The following CCDC178 variants were observed in gnomAD, a reference collection of about 807,000 sequenced individuals.
CCDC178 encodes coiled-coil domain containing 178.
In CCDC178, 126 loss-of-function variants were observed where a neutral mutation model predicts 117.4. The observed-to-expected ratio is 1.07, with a 90% confidence interval of 0.93 to 1.24. CCDC178 has a LOEUF of 1.24. Among genes scored for constraint, CCDC178 ranks in the 50% most tolerant of loss-of-function variants. The pLI is 0.00. For missense variants in CCDC178, 1,030 were observed against 986.9 expected (o/e 1.04, Z -0.59); for synonymous variants, 283 against 313.4 (o/e 0.90, Z 1.02).
At chr18:33,333,855 A>G (rs2062706412) in intron 9 of CCDC178, among the ~76,000 whole-genome samples, 1 of 152,176 alleles carries the variant, frequency 6.6e-6, no homozygotes, top group African/African-American at 2.4e-5. Context: ...AAAATATATT[A>G]CTTTCTTAAT....
chr18:33,049,798 T>A (rs1187872455), intron 21 of CCDC178, among the ~76,000 whole-genome samples: 1 of 152,116 alleles, frequency 6.6e-6, no homozygotes, highest in Non-Finnish European at 1.5e-5. Flanking sequence ...ATTTTAAGAA[T>A]AAGGCCAGGC....
intron 20 of CCDC178, among the ~76,000 whole-genome samples, chr18:33,121,484 A>G (rs2057936614): frequency 6.6e-6 from 1 of 152,178 alleles, no homozygotes; most frequent in Admixed American, 6.6e-5. Flanking sequence ...ACAGAAATCA[A>G]CATAGACACA....
At chr18:33,295,903 C>G (rs1030583766) in intron 11 of CCDC178, among the ~76,000 whole-genome samples, 1 of 152,052 alleles carries the variant, frequency 6.6e-6, no homozygotes, top group Non-Finnish European at 1.5e-5. Flanking sequence ...TTACAGTCAA[C>G]GTACATCCCA....
intron 12 of CCDC178, among the ~76,000 whole-genome samples, chr18:33,289,865 A>G (rs1055048541): frequency 1.3e-5 from 2 of 152,200 alleles, no homozygotes; most frequent in African/African-American, 4.8e-5. Flanking sequence ...ACTGTTCAGG[A>G]AAAAGTTAAA....
intron 11 of CCDC178, among the ~76,000 whole-genome samples, chr18:33,308,238 T>C (rs1179006478): frequency 6.6e-6 from 1 of 152,222 alleles, no homozygotes; most frequent in African/African-American, 2.4e-5. Flanking sequence ...AGGCCACCTC[T>C]TGCAACAGCA....
At chr18:33,093,212 G>A (rs1465206056) in intron 20 of CCDC178, among the ~76,000 whole-genome samples, 3 of 151,632 alleles carry the variant, frequency 2.0e-5, no homozygotes, top group Non-Finnish European at 2.9e-5. Flanking sequence ...CCTCTATCAT[G>A]CCTTGAAAGG....
chr18:33,400,096 ATTT>A (rs34890018), intron 3 of CCDC178, among the ~76,000 whole-genome samples: 3 of 137,704 alleles, frequency 2.2e-5, no homozygotes, highest in African/African-American at 5.3e-5. Context: ...TTTTAAAGAA[ATTT>A]TTTTTTTTTT....
intron 12 of CCDC178, among the ~76,000 whole-genome samples, chr18:33,290,826 A>G (rs2060157087): frequency 6.6e-6 from 1 of 152,092 alleles, no homozygotes; most frequent in South Asian, 2.1e-4. Flanking sequence ...TGGGACAGAG[A>G]TAGCACTGAT....
At chr18:32,997,598 A>C (rs1233277198) in intron 21 of CCDC178, among the ~76,000 whole-genome samples, 1 of 152,000 alleles carries the variant, frequency 6.6e-6, no homozygotes, top group African/African-American at 2.4e-5. Context: ...AATATACATA[A>C]AGTGTATGTG....
intron 6 of CCDC178, among the ~76,000 whole-genome samples, chr18:33,367,923 T>C (rs1462304034): frequency 2.6e-5 from 4 of 152,012 alleles, no homozygotes; most frequent in African/African-American, 9.7e-5. Flanking sequence ...ATTTATTTAT[T>C]CATAAACAAA....
intron 20 of CCDC178, among the ~76,000 whole-genome samples, chr18:33,147,833 G>A (rs1368384629): frequency 2.0e-5 from 3 of 151,792 alleles, no homozygotes; most frequent in African/African-American, 4.8e-5. Flanking sequence ...TTTTCTATTC[G>A]ACAAAACTGC....
At chr18:33,015,302 C>T (rs1319213778) in intron 21 of CCDC178, among the ~76,000 whole-genome samples, 1 of 151,420 alleles carries the variant, frequency 6.6e-6, no homozygotes, top group Non-Finnish European at 1.5e-5. Context: ...GAAAGTCTCA[C>T]GCCTGTAATC....
At chr18:33,031,969 A>C (rs2056353045) in intron 21 of CCDC178, among the ~76,000 whole-genome samples, 1 of 152,142 alleles carries the variant, frequency 6.6e-6, no homozygotes, top group Admixed American at 6.6e-5. Context: ...CATTAATATA[A>C]TGTTGAGTGG....
chr18:33,320,746 G>T (rs911451852), intron 11 of CCDC178, among the ~76,000 whole-genome samples: 3 of 152,080 alleles, frequency 2.0e-5, no homozygotes, highest in Admixed American at 2.0e-4. Context: ...CTACTTTAAA[G>T]TTCATATGGA....
At chr18:33,424,821 A>C (rs1193872167) in intron 2 of CCDC178, among the ~76,000 whole-genome samples, 2 of 152,180 alleles carry the variant, frequency 1.3e-5, no homozygotes, top group African/African-American at 2.4e-5. Flanking sequence ...ACAGCTGCTG[A>C]TGAGAGAGCT....
Position 33,370,061 on chromosome 18 carries a change from G to GCTC in CCDC178, c.334_336dup (p.Glu112dup). On this transcript the variant is annotated inframe_insertion, in exon 6 of 23. Transcript: ENST00000383096. Reference sequence around the variant, plus strand: ...AATTAGTCTCTTACCCTTTTCAAATGCTCCTGTATTTTGGACTCCACATCT... The same window carrying GCTC: ...AATTAGTCTCTTACCCTTTTCAAATGCTCCTCCTGTATTTTGGACTCCACATCT... 1 of 1,579,864 alleles carries GCTC rather than the reference G, an allele frequency of 6.3e-7. No homozygotes were observed. Among genetic ancestry groups the GCTC allele is most frequent in the Non-Finnish European group, 8.6e-7 (1 of 1,165,946 alleles).
chr18:33,136,218 T>G (rs2058124110), intron 20 of CCDC178: 1 of 152,154 alleles, frequency 6.6e-6, no homozygotes, highest in African/African-American at 2.4e-5. Flanking sequence ...GTGGAACAAA[T>G]GTAATGGGGC....
chr18:33,415,467 C>T (rs922704882), intron 2 of CCDC178, among the ~76,000 whole-genome samples: 26 of 151,474 alleles, frequency 1.7e-4, no homozygotes, highest in African/African-American at 5.8e-4. Context: ...AAACAAACAC[C>T]GCATGTTCTC....
In CCDC178 at chr18:32,987,294, TA is replaced by T. The variant is rs555072605; in HGVS notation, c.2389-12614del. 9.3e-3 allele frequency among the ~76,000 whole-genome samples: 1,417 copies of T among 151,624 alleles called. 23 individuals carry two copies. Among genetic ancestry groups the T allele is most frequent in the African/African-American group, 0.033 (1,356 of 41,428 alleles). Reference sequence around the variant, plus strand: ...GATAGTCAAGATAGAAACTAAATAATAAAAAAAATTATTGATTACAGGCATA... The same window carrying T: ...GATAGTCAAGATAGAAACTAAATAATAAAAAAATTATTGATTACAGGCATA... On this transcript the variant is annotated intron_variant, in intron 21 of 22. Coordinates refer to ENST00000383096, the MANE Select transcript of CCDC178 (RefSeq NM_001105528.4).
Sources: gnomAD v4.1 joint callset for allele counts (sites outside exome capture counted in the v4.1 genomes callset) on GRCh38, gnomAD v4.1.1 for gene constraint, MANE v1.5 for transcripts, NCBI Gene and HGNC (gene_info 2026-07-23, HGNC 2026-07-21) for gene names.